MAGI1: variants seen among roughly 807,000 people sequenced by gnomAD.
The protein encoded by MAGI1 is membrane associated guanylate kinase, WW and PDZ domain containing 1.
MAGI1 carries 58 observed loss-of-function variants against 139.9 expected under a neutral mutation model. The ratio of observed to expected loss-of-function variants is 0.41; its 90% confidence interval spans 0.34 to 0.52. MAGI1 has a LOEUF of 0.52. Ranked by LOEUF, MAGI1 falls within the 20% of genes least tolerant of loss-of-function variation. The pLI, the probability that MAGI1 is intolerant of heterozygous loss-of-function variation, is 0.12. For synonymous variants in MAGI1, 812 were observed against 737.9 expected (o/e 1.10, Z -1.63); for missense variants, 1,874 against 1,901.6 (o/e 0.99, Z 0.27).
intron 1 of MAGI1, among the ~76,000 whole-genome samples, chr3:65,753,420 T>C (rs2036313868): frequency 1.3e-5 from 2 of 152,062 alleles, no homozygotes; most frequent in Admixed American, 6.6e-5. Context: ...CTCCATTTTA[T>C]TGGTAAAGAA....
At chr3:65,401,582 A>G (rs1300659810) in intron 12 of MAGI1, 112 bp from the exon 13 acceptor site, 1 of 1,553,870 alleles carries the variant, frequency 6.4e-7, no homozygotes, top group Non-Finnish European at 8.7e-7. Context: ...AGCCATCTGC[A>G]GAGTTATGTC....
At chr3:65,507,989 G>A (rs1382098994) in intron 2 of MAGI1, among the ~76,000 whole-genome samples, 3 of 152,130 alleles carry the variant, frequency 2.0e-5, no homozygotes, top group Admixed American at 2.0e-4. Flanking sequence ...ACAGAAGCCT[G>A]TGCTGATGTG....
At chr3:65,637,380 C>A (rs2084686138) in intron 1 of MAGI1, among the ~76,000 whole-genome samples, 1 of 151,916 alleles carries the variant, frequency 6.6e-6, no homozygotes, top group African/African-American at 2.4e-5. Flanking sequence ...TGGCACAACC[C>A]TGTCTCTAAA....
At chr3:65,444,533 G>C (rs1235005108) in intron 7 of MAGI1, among the ~76,000 whole-genome samples, 2 of 152,086 alleles carry the variant, frequency 1.3e-5, no homozygotes, top group African/African-American at 2.4e-5. Context: ...GATAAAACAG[G>C]GGAAATACTA....
chr3:65,744,069 T>C (rs1410181248), intron 1 of MAGI1, among the ~76,000 whole-genome samples: 1 of 152,226 alleles, frequency 6.6e-6, no homozygotes, highest in Non-Finnish European at 1.5e-5. Flanking sequence ...AAATTGTTCA[T>C]TACATTTCAA....
intron 1 of MAGI1, among the ~76,000 whole-genome samples, chr3:65,789,175 T>A (rs2108057063): frequency 6.6e-6 from 1 of 152,102 alleles, no homozygotes; most frequent in African/African-American, 2.4e-5. Context: ...TAAAACTCTA[T>A]CTCTAAAAAA....
At chr3:65,764,595 G>T (rs2107900652) in intron 1 of MAGI1, among the ~76,000 whole-genome samples, 1 of 152,250 alleles carries the variant, frequency 6.6e-6, no homozygotes, top group African/African-American at 2.4e-5. Flanking sequence ...GAGGCCTTTT[G>T]GAAAGATCAC....
chr3:65,744,056 T>G (rs1330397142), intron 1 of MAGI1, among the ~76,000 whole-genome samples: 3 of 152,192 alleles, frequency 2.0e-5, no homozygotes, highest in Admixed American at 6.5e-5. Context: ...GAATGAAAAT[T>G]TCAAATTGTT....
In MAGI1 at chr3:65,936,954, A is replaced by ATGGTGG. The variant is rs1191208437; in HGVS notation, c.313+101036_313+101041dup. ...GGTGGTGATGGTGGTGGTGATGGTG[A>ATGGTGG]TGGTGGTGGTGGTGGTGATGGTGGT... On this transcript the variant is annotated intron_variant, in intron 1 of 22. Transcript: ENST00000402939. Among the ~76,000 whole-genome samples the ATGGTGG allele has an allele frequency of 2.0e-5, 3 of 148,242 alleles. No homozygotes were observed. In the South Asian group the frequency reaches 6.5e-4, roughly 32 times the overall value.
chr3:65,886,322 C>T (rs892495392), intron 1 of MAGI1, among the ~76,000 whole-genome samples: 2 of 152,084 alleles, frequency 1.3e-5, no homozygotes, highest in Admixed American at 6.6e-5. Flanking sequence ...TTCTAAATAG[C>T]AATTTTTTTT....
chr3:65,996,763 G>C (rs980002530), intron 1 of MAGI1, among the ~76,000 whole-genome samples: 1 of 152,234 alleles, frequency 6.6e-6, no homozygotes, highest in African/African-American at 2.4e-5. Flanking sequence ...GACCATCGGA[G>C]GGCCGGGCAC....
chr3:65,792,485 T>C (rs1053654772), intron 1 of MAGI1, among the ~76,000 whole-genome samples: 2 of 147,398 alleles, frequency 1.4e-5, no homozygotes, highest in Non-Finnish European at 3.0e-5. Context: ...TAGTTACTAA[T>C]AACTATTTTA....
At chr3:65,695,065 A>G (rs2089029558) in intron 1 of MAGI1, among the ~76,000 whole-genome samples, 1 of 152,204 alleles carries the variant, frequency 6.6e-6, no homozygotes, top group Non-Finnish European at 1.5e-5. Context: ...AGGAAAGGGA[A>G]GAAGGTCCCC....
chr3:65,454,912 G>A (rs1949293410), intron 5 of MAGI1, among the ~76,000 whole-genome samples: 1 of 152,020 alleles, frequency 6.6e-6, no homozygotes, highest in Non-Finnish European at 1.5e-5. Context: ...TAAAATTATT[G>A]CTCCCCATAT....
At chr3:65,688,494 C>A in intron 1 of MAGI1, 1 of 452,372 alleles carries the variant, frequency 2.2e-6, no homozygotes. Flanking sequence ...CTTTCCTACC[C>A]AAGGGGGAAG....
chr3:65,880,916 T>TGTGTGTGTGTGTGTGTGG (rs2060301270), intron 1 of MAGI1, among the ~76,000 whole-genome samples: 1 of 151,784 alleles, frequency 6.6e-6, no homozygotes, highest in Non-Finnish European at 1.5e-5. Context: ...GGCGTGTGTG[T>TGTGTGTGTGTGTGTGTGG]GTGTGTGTGT....
chr3:65,877,105 G>C (rs1477813612), intron 1 of MAGI1, among the ~76,000 whole-genome samples: 6 of 152,172 alleles, frequency 3.9e-5, no homozygotes, highest in Non-Finnish European at 8.8e-5. Context: ...CCAAGTTTAA[G>C]CTGGGACTCA....
Position 65,611,038 on chromosome 3 carries a change from A to G in MAGI1, c.430+10934T>C, listed in dbSNP as rs9798846. Among the ~76,000 whole-genome samples, 9 of 129,784 alleles carry G rather than the reference A, an allele frequency of 6.9e-5. No individual in the cohort carries two copies. The South Asian group carries it at 7.2e-4, about 10-fold the overall frequency. 85.1% of individuals were successfully genotyped at this position (129,784 alleles called of 152,430 possible). The stretch of plus-strand genomic sequence containing the variant: ...TACATATAGTGTGTATATAGTATAT[A>G]TACTATATACATATATACATACATA... On this transcript the variant is annotated intron_variant, in intron 2 of 22. Transcript: ENST00000402939.
chr3:65,889,043 TATTC>T (rs1289984627), intron 1 of MAGI1, among the ~76,000 whole-genome samples: 39 of 152,226 alleles, frequency 2.6e-4, no homozygotes, highest in Non-Finnish European at 7.3e-5. Flanking sequence ...AGGCTAGTAC[TATTC>T]ATTATCAGAT....
Sources: allele counts gnomAD v4.1 joint callset (sites outside exome capture counted in the v4.1 genomes callset), GRCh38; gene constraint gnomAD v4.1.1; transcripts MANE v1.5; gene names NCBI Gene and HGNC (gene_info 2026-07-23, HGNC 2026-07-21).